KCTD8: variants seen among roughly 807,000 people sequenced by gnomAD.
KCTD8 encodes the protein BTB/POZ domain-containing protein KCTD8.
In KCTD8, 27 loss-of-function variants were observed where a neutral mutation model predicts 31.5. The observed-to-expected ratio is 0.86, with a 90% CI of 0.63 to 1.18. The LOEUF is 1.18. Among genes scored for constraint, KCTD8 ranks in the 50% most tolerant of loss-of-function variants. The pLI is 0.00. For missense variants in KCTD8, 658 were observed against 647.7 expected (o/e 1.02, Z -0.17); for synonymous variants, 290 against 280.0 (o/e 1.04, Z -0.36).
At chr4:44,226,967 C>T (rs1363145438) in intron 1 of KCTD8, among the ~76,000 whole-genome samples, 1 of 148,338 alleles carries the variant, frequency 6.7e-6, no homozygotes, top group African/African-American at 2.5e-5. Context: ...AGATTGCAAA[C>T]ATTTTCTTCC....
chr4:44,283,025 T>TTTATTA lies in KCTD8; in HGVS notation c.962-107781_962-107776dup, dbSNP rs58754915. On this transcript the variant is annotated intron_variant, in intron 1 of 1. Coordinates refer to ENST00000360029, the MANE Select transcript of KCTD8 (RefSeq NM_198353.3). ...GAAAGTGGCTACAAAAACAACACAT[T>TTTATTA]TTATTATTATTATTATTATTATTAT... is the stretch of plus-strand genomic sequence containing the variant. Among the ~76,000 whole-genome samples, 1,208 of 136,290 alleles carry TTTATTA rather than the reference T, an allele frequency of 8.9e-3. 9 individuals carry two copies. The highest frequency in any genetic ancestry group is 0.02 in the African/African-American group (729 of 36,038). The allele number at this position is 136,290 out of a possible 152,430, so 89.4% of individuals were successfully genotyped here. A position where few individuals can be genotyped will look rare whatever the true frequency, so the allele number is the denominator to read the frequency against.
At chr4:44,405,175 TA>T (rs34854499) in intron 1 of KCTD8, among the ~76,000 whole-genome samples, 20 of 148,962 alleles carry the variant, frequency 1.3e-4, no homozygotes, top group Non-Finnish European at 1.3e-4. Flanking sequence ...GGTCTTAGGT[TA>T]AAAAAAAAAG....
Position 44,447,837 on chromosome 4 carries a change from G to A in KCTD8, c.687C>T (p.Phe229=). 6.3e-7 allele frequency: 1 copy of A among 1,593,074 alleles called. No homozygotes were observed. Among genetic ancestry groups the A allele is most frequent in the Non-Finnish European group, 8.6e-7 (1 of 1,167,964 alleles). ...ACACCATGATGCGCGCCACACGCCG[G>A]AATTTGGCGTCGGCCTGGTTGTCGC... The part of the protein sequence containing the change: ...TVRDNQADAK[F]RRVARIMVCG... Residue 229 remains phenylalanine (F), a synonymous_variant, in exon 1 of 2, where the codon TTC becomes TTT. Coordinates refer to ENST00000360029, the MANE Select transcript of KCTD8 (RefSeq NM_198353.3).
intron 1 of KCTD8, among the ~76,000 whole-genome samples, chr4:44,202,611 C>T (rs1159702140): frequency 6.6e-6 from 1 of 151,926 alleles, no homozygotes; most frequent in Non-Finnish European, 1.5e-5. Flanking sequence ...GAACAATAGA[C>T]ACTGGAAACT....
chr4:44,448,187 G>T lies in KCTD8; in HGVS notation c.337C>A (p.Leu113Met), dbSNP rs1722002194. Residue 113 changes from leucine to methionine, a missense_variant, in exon 1 of 2, where the codon CTG becomes ATG. Physicochemically the swap from Leu to Met is conservative, Grantham distance 15. Coordinates refer to ENST00000360029, the MANE Select transcript of KCTD8 (RefSeq NM_198353.3). This position sits in a 1 kb window ranked among gnomAD's most constrained non-coding sequence, Gnocchi z 4.1. Reference sequence around the variant, plus strand: ...GGCAGCGCGAGTTGCTTGTCCCGCAGATAATCCAGCACGTACCTGAAAAGG... The same window carrying T: ...GGCAGCGCGAGTTGCTTGTCCCGCATATAATCCAGCACGTACCTGAAAAGG... ...GFLFRYVLDY[L>M]RDKQLALPEH... 6.2e-7 allele frequency: 1 copy of T among 1,612,346 alleles called. No individual in the cohort carries two copies. The highest frequency in any genetic ancestry group is 1.3e-5 in the African/African-American group (1 of 74,890).
At chr4:44,228,229 A>G (rs1466549530) in intron 1 of KCTD8, among the ~76,000 whole-genome samples, 2 of 152,120 alleles carry the variant, frequency 1.3e-5, no homozygotes, top group Non-Finnish European at 2.9e-5. Context: ...TGTCAGCAGG[A>G]TTGGTTCTTC....
intron 1 of KCTD8, among the ~76,000 whole-genome samples, chr4:44,253,801 TTTTTA>T (rs1468362659): frequency 1.1e-4 from 16 of 151,946 alleles, no homozygotes; most frequent in South Asian, 6.2e-4. Flanking sequence ...TAAATAATAT[TTTTTA>T]TTTTGTCAGT....
chr4:44,380,630 G>C (rs1720041428), intron 1 of KCTD8, among the ~76,000 whole-genome samples: 1 of 151,780 alleles, frequency 6.6e-6, no homozygotes, highest in South Asian at 2.1e-4. Context: ...TCTTACTACA[G>C]AGTTTCCACA....
chr4:44,326,840 A>G (rs934932481), intron 1 of KCTD8, among the ~76,000 whole-genome samples: 2 of 151,870 alleles, frequency 1.3e-5, no homozygotes, highest in African/African-American at 4.8e-5. Context: ...TGCATGAGTA[A>G]CAGGTATTCT....
At chr4:44,399,519 G>A (rs562081509) in intron 1 of KCTD8, among the ~76,000 whole-genome samples, 5 of 152,208 alleles carry the variant, frequency 3.3e-5, no homozygotes, top group African/African-American at 7.2e-5. Flanking sequence ...AGTTATCCTC[G>A]GTAAAGATTC....
intron 1 of KCTD8, among the ~76,000 whole-genome samples, chr4:44,315,832 C>T (rs1451543551): frequency 1.3e-5 from 2 of 152,056 alleles, no homozygotes; most frequent in Non-Finnish European, 2.9e-5. Context: ...TTCTGAGTGC[C>T]AATCCTTTGA....
At chr4:44,340,527 C>T (rs866743567) in intron 1 of KCTD8, among the ~76,000 whole-genome samples, 12 of 114,958 alleles carry the variant, frequency 1.0e-4, no homozygotes, top group South Asian at 8.8e-4. Context: ...CCAGGATGGT[C>T]TCCATTTCCT....
At position 44,224,310 on chromosome 4, in the gene KCTD8, T is replaced by C. The variant is rs886628699; in HGVS notation, c.962-49060A>G. Among the ~76,000 whole-genome samples, 4 of 152,214 alleles carry C rather than the reference T, an allele frequency of 2.6e-5. No individual in the cohort carries two copies. The South Asian group carries it at 8.3e-4, about 32-fold the overall frequency. Reference sequence around the variant, plus strand: ...CCTCAGCAGAAGTGCTCTATCAAACTGACCTCCTCTTTATTTATTTGTCAC... The same window carrying C: ...CCTCAGCAGAAGTGCTCTATCAAACCGACCTCCTCTTTATTTATTTGTCAC... On this transcript the variant is annotated intron_variant, in intron 1 of 1. Transcript: ENST00000360029.
At chr4:44,266,667 C>A (rs9684783) in intron 1 of KCTD8, among the ~76,000 whole-genome samples, 78,968 of 147,572 alleles carry the variant, frequency 0.54, 21,609 homozygotes, top group African/African-American at 0.71. Context: ...TGCAGAGACA[C>A]ACATAGGCTC....
intron 1 of KCTD8, among the ~76,000 whole-genome samples, chr4:44,260,149 A>T (rs1171312762): frequency 6.6e-6 from 1 of 151,964 alleles, no homozygotes; most frequent in East Asian, 1.9e-4. Context: ...AAATGAAAAA[A>T]AAACAATTAT....
chr4:44,418,120 G>A (rs988845773), intron 1 of KCTD8, among the ~76,000 whole-genome samples: 5 of 152,100 alleles, frequency 3.3e-5, no homozygotes, highest in Non-Finnish European at 5.9e-5. Flanking sequence ...AAGGAGCCAC[G>A]AATTATGCCT....
chr4:44,341,974 A>T (rs1718910047), intron 1 of KCTD8, among the ~76,000 whole-genome samples: 3 of 152,224 alleles, frequency 2.0e-5, no homozygotes, highest in Admixed American at 1.3e-4. Flanking sequence ...GTCTTGATGC[A>T]TGGATCTGCT....
At chr4:44,385,881 A>T (rs1196545183) in intron 1 of KCTD8, among the ~76,000 whole-genome samples, 2 of 151,612 alleles carry the variant, frequency 1.3e-5, no homozygotes, top group Non-Finnish European at 3.0e-5. Flanking sequence ...TTGATTAAAC[A>T]ATGTGCACAG....
intron 1 of KCTD8, among the ~76,000 whole-genome samples, chr4:44,263,856 A>G (rs2109366870): frequency 6.6e-6 from 1 of 152,234 alleles, no homozygotes; most frequent in South Asian, 2.1e-4. Flanking sequence ...GAAGGACCCT[A>G]AGGAATTCCA....
Sources: allele counts gnomAD v4.1 joint callset (sites outside exome capture counted in the v4.1 genomes callset), GRCh38; gene constraint gnomAD v4.1.1; non-coding constraint Gnocchi (gnomAD v3.1); transcripts MANE v1.5; gene names NCBI Gene and HGNC (gene_info 2026-07-23, HGNC 2026-07-21).